RAB5IF: variants seen among roughly 807,000 people sequenced by gnomAD.
RAB5IF encodes RAB5 interacting factor, also known as GEL complex subunit OPTI.
A neutral mutation model predicts 20.3 loss-of-function variants in RAB5IF; 15 were observed. That is an observed-to-expected ratio of 0.74 (90% CI 0.50 to 1.14). The LOEUF is 1.14. Among genes scored for constraint, RAB5IF ranks in the 50% most tolerant of loss-of-function variants. RAB5IF has a pLI of 0.00. For missense variants in RAB5IF, 148 were observed against 159.5 expected, an observed-to-expected ratio of 0.93 and a Z score of 0.39; for synonymous variants, 67 against 63.7, an observed-to-expected ratio of 1.05 and a Z score of -0.25.
rs191435136 is a variant in RAB5IF, at chr20:36,610,015, G to A, written c.348+285G>A. 2.4e-3 allele frequency among the ~76,000 whole-genome samples: 370 copies of A among 152,326 alleles called. 2 individuals carry two copies. The highest frequency in any genetic ancestry group is 8.6e-3 in the African/African-American group (356 of 41,566). The stretch of plus-strand genomic sequence containing the variant: ...GAAACTAGGAGGGCTGAGCATGGTG[G>A]CTCACGCCTGTAATCCCAGCATTTT... On this transcript the variant is annotated intron_variant, in intron 3 of 3. Transcript: ENST00000344795.
At position 36,606,063 on chromosome 20, in the gene RAB5IF, A is replaced by G; in HGVS notation, c.112A>G (p.Lys38Glu). 6.7e-7 allele frequency: 1 copy of G among 1,493,150 alleles called. No homozygotes were observed. Among genetic ancestry groups the G allele is most frequent in the Non-Finnish European group, 9.0e-7 (1 of 1,113,274 alleles). The allele number at this position is 1,493,150 out of a possible 1,614,324, so 92.5% of individuals were successfully genotyped here. A position where few individuals can be genotyped will look rare whatever the true frequency, so the allele number is the denominator to read the frequency against. The change falls in exon 1 of 4, where the codon AAG becomes GAG. Residue 38 changes from lysine to glutamate, a missense_variant and splice_region_variant. Transcript: ENST00000344795. ...VLRSDAAWED[K>E]DEFLDVIYWF... ...GCGGAGCGACGCGGCCTGGGAGGAT[A>G]AGGTACGGTGGAGTCTGAACAGGGC... is the stretch of plus-strand genomic sequence containing the variant.
At chr20:36,609,224 C>CTATATT (rs1568595634) in intron 2 of RAB5IF, among the ~76,000 whole-genome samples, 1 of 120,174 alleles carries the variant, frequency 8.3e-6, no homozygotes, top group Non-Finnish European at 1.7e-5. Context: ...CACACGCACA[C>CTATATT]ACACACACAC....
Position 36,609,169 on chromosome 20 carries a change from A to ACACACACACACACACACACC in RAB5IF, c.219-413_219-412insCCACACACACACACACACAC, listed in dbSNP as rs2039017267. On this transcript the variant is annotated intron_variant, in intron 2 of 3. Transcript: ENST00000344795. Reference sequence around the variant, plus strand: ...GGAGAACTATATTACACACACACACACACACACACACACACACACACACAC... The same window carrying ACACACACACACACACACACC: ...GGAGAACTATATTACACACACACACACACACACACACACACACACCCACACACACACACACACACACACAC... Among the ~76,000 whole-genome samples, 2 of 16,518 alleles carry ACACACACACACACACACACC rather than the reference A, an allele frequency of 1.2e-4. 1 individual carries two copies. The highest frequency in any genetic ancestry group is 4.7e-4 in the African/African-American group (2 of 4,276). 10.8% of individuals were successfully genotyped at this position (16,518 alleles called of 152,430 possible).
intron 2 of RAB5IF, among the ~76,000 whole-genome samples, chr20:36,609,229 A>ACACG (rs2039037373): frequency 8.1e-6 from 1 of 123,734 alleles, no homozygotes; most frequent in Non-Finnish European, 1.6e-5. Flanking sequence ...GCACACACAC[A>ACACG]CACACACACA....
Position 36,606,082 on chromosome 20 carries a change from A to G in RAB5IF, c.114+17A>G. ...GAGGATAAGGTACGGTGGAGTCTGAACAGGGCGCGGGTGCGAGGAGTCGGC... is the reference window on the plus strand; with the variant it reads ...GAGGATAAGGTACGGTGGAGTCTGAGCAGGGCGCGGGTGCGAGGAGTCGGC... On this transcript the variant is annotated intron_variant, in intron 1 of 3. Coordinates refer to ENST00000344795, the MANE Select transcript of RAB5IF (RefSeq NM_018840.5). The G allele has an allele frequency of 7.1e-7, 1 of 1,400,980 alleles. No individual in the cohort carries two copies. The highest frequency in any genetic ancestry group is 1.9e-4 in the Middle Eastern group (1 of 5,140). The allele number at this position is 1,400,980 out of a possible 1,614,324, so 86.8% of individuals were successfully genotyped here.
At chr20:36,610,456 C>G (rs1333719774) in intron 3 of RAB5IF, among the ~76,000 whole-genome samples, 1 of 152,028 alleles carries the variant, frequency 6.6e-6, no homozygotes, top group African/African-American at 2.4e-5. Context: ...AATCCCAGCA[C>G]TTTGGGAGGC....
At chr20:36,609,808 T>A in intron 3 of RAB5IF, 78 bp downstream of exon 3, 1 of 1,613,256 alleles carries the variant, frequency 6.2e-7, no homozygotes, top group East Asian at 2.2e-5. Flanking sequence ...CCCCACTGAT[T>A]GAGTTACACT....
At position 36,608,114 on chromosome 20, in the gene RAB5IF, G is replaced by C. The variant is rs954792175; in HGVS notation, c.218+296G>C. On this transcript the variant is annotated intron_variant, in intron 2 of 3. Coordinates refer to ENST00000344795, the MANE Select transcript of RAB5IF (RefSeq NM_018840.5). ...CTACTTGTTCGTGGCATGCACTCTA[G>C]TTCTGCTGTGACCTTTGTACCTGTG... 11 of 474,270 alleles carry C rather than the reference G, an allele frequency of 2.3e-5. No individual in the cohort carries two copies. The East Asian group carries it at 6.7e-4, about 29-fold the overall frequency. The allele number at this position is 474,270 out of a possible 1,614,324, so 29.4% of individuals were successfully genotyped here.
chr20:36,609,744 ATAGT>A lies in RAB5IF; in HGVS notation c.348+16_348+19del, dbSNP rs1196617752. 1.2e-6 allele frequency: 2 copies of A among 1,614,034 alleles called. No individual in the cohort carries two copies. The highest frequency in any genetic ancestry group is 3.3e-5 in the Admixed American group (2 of 59,982). ...GCCTTGTTCATGGTATGTGTAGCTG[ATAGT>A]TTTACAACAGGTACTGTTCATTTCA... On this transcript the variant is annotated intron_variant, in intron 3 of 3. Coordinates refer to ENST00000344795, the MANE Select transcript of RAB5IF (RefSeq NM_018840.5).
intron 1 of RAB5IF, among the ~76,000 whole-genome samples, chr20:36,606,334 T>C (rs1336036751): frequency 6.6e-6 from 1 of 152,128 alleles, no homozygotes; most frequent in Non-Finnish European, 1.5e-5. Flanking sequence ...GCGGGCAGGG[T>C]TTGTGCCTGA....
At chr20:36,607,571 G>A in intron 1 of RAB5IF, 144 bp from the exon 2 acceptor site, 1 of 863,156 alleles carries the variant, frequency 1.2e-6, no homozygotes, top group Non-Finnish European at 1.8e-6. Context: ...ATAAGTAAGA[G>A]GTGAAACAGG....
Position 36,605,935 on chromosome 20 carries a change from G to A in RAB5IF, c.-17G>A, listed in dbSNP as rs1189830308. The A allele has an allele frequency of 2.7e-6, 4 of 1,482,308 alleles. No individual in the cohort carries two copies. The Admixed American group carries it at 8.8e-5, about 33-fold the overall frequency. 91.8% of individuals were successfully genotyped at this position (1,482,308 alleles called of 1,614,324 possible). A position where few individuals can be genotyped will look rare whatever the true frequency, so the allele number is the denominator to read the frequency against. ...GCCCGCGCGCCCCAGGCCCGGCCCG[G>A]GCGGCGCGACGGGAGGATGAGCGGC... On this transcript the variant is annotated 5_prime_UTR_variant, in exon 1 of 4. Transcript: ENST00000344795.
rs1185395420 is a variant in RAB5IF at position 36,606,019 on chromosome 20, C to G, written c.68C>G (p.Ser23Cys). ...PQLANGALKV[S>C]VWSKVLRSDA... Reference sequence around the variant, plus strand: ...CTGGCCAACGGGGCCCTCAAAGTCTCCGTCTGGAGTAAGGTGCTGCGGAGC... The same window carrying G: ...CTGGCCAACGGGGCCCTCAAAGTCTGCGTCTGGAGTAAGGTGCTGCGGAGC... The change falls in exon 1 of 4, where the codon TCC (serine) becomes TGC (cysteine). Residue 23 changes from serine (S) to cysteine (C), a missense_variant. Ser to Cys is a moderately radical substitution (Grantham distance 112). Transcript: ENST00000344795. 6.5e-7 allele frequency: 1 copy of G among 1,529,796 alleles called. No individual in the cohort carries two copies. Among genetic ancestry groups the G allele is most frequent in the African/African-American group, 1.4e-5 (1 of 71,340 alleles). The allele number at this position is 1,529,796 out of a possible 1,614,324, so 94.8% of individuals were successfully genotyped here.
In RAB5IF at chr20:36,609,214, C is replaced by CTATATT. The variant is rs2039033348; in HGVS notation, c.219-387_219-386insTATATT. Among the ~76,000 whole-genome samples the CTATATT allele has an allele frequency of 1.2e-4, 9 of 76,738 alleles. 1 individual carries two copies. Among genetic ancestry groups the CTATATT allele is most frequent in the Non-Finnish European group, 1.8e-4 (7 of 39,994 alleles). 50.3% of individuals were successfully genotyped at this position (76,738 alleles called of 152,430 possible). On this transcript the variant is annotated intron_variant, in intron 2 of 3. Transcript: ENST00000344795. Reference sequence around the variant, plus strand: ...ACACACGCACACACGCACACACGCACACACGCACACACACACACACACACA... The same window carrying CTATATT: ...ACACACGCACACACGCACACACGCACTATATTACACGCACACACACACACACACACA...
intron 1 of RAB5IF, 132 bp downstream of exon 1, chr20:36,606,197 G>A: frequency 5.8e-6 from 3 of 513,090 alleles, no homozygotes; most frequent in Non-Finnish European, 9.8e-6. Flanking sequence ...GTGGCCCAAG[G>A]GTGTCAGAGC....
At position 36,609,483 on chromosome 20, in the gene RAB5IF, G is replaced by A. The variant is rs6101421; in HGVS notation, c.219-118G>A. On this transcript the variant is annotated intron_variant, in intron 2 of 3. Transcript: ENST00000344795. Reference sequence around the variant, plus strand: ...TTGAACTCCTGACCGCAAGTGATCCGCCCACCTCAGCCTCCCAAAGTGCTG... The same window carrying A: ...TTGAACTCCTGACCGCAAGTGATCCACCCACCTCAGCCTCCCAAAGTGCTG... 1.2e-3 allele frequency: 1,618 copies of A among 1,406,852 alleles called. 15 individuals carry two copies. In the African/African-American group the frequency reaches 0.021, roughly 19 times the overall value. 87.1% of individuals were successfully genotyped at this position (1,406,852 alleles called of 1,614,324 possible).
chr20:36,605,948 G>A lies in RAB5IF; in HGVS notation c.-4G>A, dbSNP rs1398106893. 2.0e-6 allele frequency: 3 copies of A among 1,506,860 alleles called. No homozygotes were observed. Among genetic ancestry groups the A allele is most frequent in the Non-Finnish European group, 1.8e-6 (2 of 1,124,266 alleles). 93.3% of individuals were successfully genotyped at this position (1,506,860 alleles called of 1,614,324 possible). A position where few individuals can be genotyped will look rare whatever the true frequency, so the allele number is the denominator to read the frequency against. On this transcript the variant is annotated 5_prime_UTR_variant, in exon 1 of 4. Coordinates refer to ENST00000344795, the MANE Select transcript of RAB5IF (RefSeq NM_018840.5). ...AGGCCCGGCCCGGGCGGCGCGACGG[G>A]AGGATGAGCGGCGGGCGGCGGAAGG... is the stretch of plus-strand genomic sequence containing the variant.
At chr20:36,606,098 A>C in intron 1 of RAB5IF, 33 bp downstream of exon 1, 2 of 1,293,472 alleles carry the variant, frequency 1.5e-6, no homozygotes, top group Non-Finnish European at 2.1e-6. Flanking sequence ...CGCGGGTGCG[A>C]GGAGTCGGCT....
chr20:36,606,403 G>T (rs963782899), intron 1 of RAB5IF, among the ~76,000 whole-genome samples: 1 of 152,232 alleles, frequency 6.6e-6, no homozygotes, highest in South Asian at 2.1e-4. Flanking sequence ...GTAGGGTTTT[G>T]AGTAGGTTAC....
Sources: allele counts gnomAD v4.1 joint callset (sites outside exome capture counted in the v4.1 genomes callset), GRCh38; gene constraint gnomAD v4.1.1; transcripts MANE v1.5; gene names NCBI Gene and HGNC (gene_info 2026-07-23, HGNC 2026-07-21).